The following METAP1 variants were observed in gnomAD, a reference collection of about 807,000 sequenced individuals.
METAP1 encodes the protein methionyl aminopeptidase 1.
A neutral mutation model predicts 53.8 loss-of-function variants in METAP1; 28 were observed. The observed-to-expected ratio is 0.52, with a 90% CI of 0.39 to 0.71. The LOEUF is 0.71. METAP1 is among the 30% of genes least tolerant of loss of function. The probability of loss-of-function intolerance (pLI) is 0.00; values close to 1 mark genes in which losing one functional copy is unlikely to be tolerated. For missense variants in METAP1, 389 were observed against 479.8 expected, an observed-to-expected ratio of 0.81 and a Z score of 1.77; for synonymous variants, 181 against 165.7, an observed-to-expected ratio of 1.09 and a Z score of -0.71.
intron 1 of METAP1, among the ~76,000 whole-genome samples, chr4:99,003,352 T>C (rs887994522): frequency 6.6e-6 from 1 of 152,242 alleles, no homozygotes; most frequent in Non-Finnish European, 1.5e-5. Context: ...AGGTTAACCC[T>C]GTCTTATCCA....
At chr4:98,999,185 G>A (rs1177918431) in intron 1 of METAP1, among the ~76,000 whole-genome samples, 1 of 152,096 alleles carries the variant, frequency 6.6e-6, no homozygotes, top group Non-Finnish European at 1.5e-5. Context: ...TCATTTCCCA[G>A]TATGATGCTC....
At chr4:99,003,426 T>C (rs1394854508) in intron 1 of METAP1, among the ~76,000 whole-genome samples, 1 of 152,214 alleles carries the variant, frequency 6.6e-6, no homozygotes, top group Admixed American at 6.5e-5. Context: ...GTTTTAAAAA[T>C]GTCATAACTT....
chr4:99,036,329 A>C (rs1453784816), intron 4 of METAP1, among the ~76,000 whole-genome samples: 1 of 152,112 alleles, frequency 6.6e-6, no homozygotes, highest in African/African-American at 2.4e-5. Context: ...AATTTAAGGG[A>C]AAGATAGTCT....
At chr4:99,027,975 T>C (rs1349591773) in intron 1 of METAP1, among the ~76,000 whole-genome samples, 1 of 151,152 alleles carries the variant, frequency 6.6e-6, no homozygotes, top group Non-Finnish European at 1.5e-5. Context: ...TTTCCCGTGC[T>C]TTTTTTTTCC....
Position 99,061,200 on chromosome 4 carries a change from A to G in METAP1, c.1044A>G (p.Thr348=), listed in dbSNP as rs917004561. Residue 348 remains threonine, a synonymous_variant, in exon 11 of 11, where the codon ACA becomes ACG. Transcript: ENST00000296411. ...ETWPDGWTAV[T]RDGKRSAQFE... is the part of the protein sequence containing the mutation. ...GGCCAGATGGTTGGACTGCGGTGAC[A>G]AGAGACGGAAAGCGGTCTGCTCAGT... 1.1e-5 allele frequency: 17 copies of G among 1,613,808 alleles called. No homozygotes were observed. The highest frequency in any genetic ancestry group is 1.4e-5 in the Non-Finnish European group (16 of 1,179,850).
At chr4:99,031,101 GTTTTTTTTT>G (rs56082818) in intron 2 of METAP1, among the ~76,000 whole-genome samples, 8 of 109,920 alleles carry the variant, frequency 7.3e-5, no homozygotes, top group Admixed American at 9.7e-5. Flanking sequence ...CTCAAAGGTA[GTTTTTTTTT>G]TTTTTTTTTT....
intron 5 of METAP1, among the ~76,000 whole-genome samples, chr4:99,039,876 G>C (rs1444505765): frequency 6.6e-6 from 1 of 151,958 alleles, no homozygotes; most frequent in Non-Finnish European, 1.5e-5. Context: ...ACAGGCGTGA[G>C]CCACCACACC....
At chr4:99,022,783 TA>T in intron 1 of METAP1, 1 of 1,601,212 alleles carries the variant, frequency 6.2e-7, no homozygotes. Context: ...CACTCTTGGC[TA>T]TGCGCTTGTC....
rs1726151485 is a variant in METAP1, at chr4:99,045,420, C to T, written c.787+110C>T. Reference sequence around the variant, plus strand: ...TTGTACCTTCCAGGTTGCCCCTGTTCTACCTGAGTTAGCTTTGGTTGTTAG... The same window carrying T: ...TTGTACCTTCCAGGTTGCCCCTGTTTTACCTGAGTTAGCTTTGGTTGTTAG... On this transcript the variant is annotated intron_variant, in intron 8 of 10. Coordinates refer to ENST00000296411, the MANE Select transcript of METAP1 (RefSeq NM_015143.3). 3 of 1,199,290 alleles carry T rather than the reference C, an allele frequency of 2.5e-6. No homozygotes were observed. In the South Asian group the frequency reaches 5.8e-5, roughly 23 times the overall value. The allele number at this position is 1,199,290 out of a possible 1,614,324, so 74.3% of individuals were successfully genotyped here. A position where few individuals can be genotyped will look rare whatever the true frequency, so the allele number is the denominator to read the frequency against.
At chr4:99,035,332 G>C in intron 3 of METAP1, 68 bp from the exon 4 acceptor site, 1 of 1,120,128 alleles carries the variant, frequency 8.9e-7, no homozygotes, top group Non-Finnish European at 1.3e-6. Flanking sequence ...CTTTTGAATG[G>C]ACTTCTTTCT....
chr4:99,024,442 T>TG (rs1244675927), intron 1 of METAP1, among the ~76,000 whole-genome samples: 1 of 151,976 alleles, frequency 6.6e-6, no homozygotes, highest in Non-Finnish European at 1.5e-5. Context: ...ATAATTTGGT[T>TG]GGGGGGTGGG....
intron 5 of METAP1, among the ~76,000 whole-genome samples, chr4:99,040,380 C>T (rs985566128): frequency 4.0e-5 from 6 of 151,898 alleles, no homozygotes; most frequent in African/African-American, 1.2e-4. Context: ...CTATTCAGTG[C>T]TTTAAAAGTG....
chr4:99,011,512 A>C (rs897078780), intron 1 of METAP1, among the ~76,000 whole-genome samples: 2 of 152,158 alleles, frequency 1.3e-5, no homozygotes, highest in African/African-American at 4.8e-5. Flanking sequence ...CCACTTGGTC[A>C]TGGTGTATAG....
intron 8 of METAP1, among the ~76,000 whole-genome samples, 164 bp downstream of exon 8, chr4:99,045,474 A>C (rs1400944442): frequency 6.6e-6 from 1 of 151,044 alleles, no homozygotes; most frequent in Non-Finnish European, 1.5e-5. Context: ...TGATCTGGGA[A>C]TCTCTTGGTG....
At chr4:99,008,278 T>C (rs1238191220) in intron 1 of METAP1, among the ~76,000 whole-genome samples, 1 of 152,156 alleles carries the variant, frequency 6.6e-6, no homozygotes, top group Non-Finnish European at 1.5e-5. Flanking sequence ...ATGTAGGTAA[T>C]AGCAAGTAGA....
chr4:99,028,782 A>G lies in METAP1; in HGVS notation c.115-85A>G, dbSNP rs890223429. Reference sequence around the variant, plus strand: ...TCTTGGTTTTTGCAAATAGTTTACAATAACTCTTGCTTATATACAATATTC... The same window carrying G: ...TCTTGGTTTTTGCAAATAGTTTACAGTAACTCTTGCTTATATACAATATTC... On this transcript the variant is annotated intron_variant, in intron 1 of 10. Transcript: ENST00000296411. 53 of 993,858 alleles carry G rather than the reference A, an allele frequency of 5.3e-5. No homozygotes were observed. The East Asian group carries it at 1.4e-3, about 25-fold the overall frequency. The allele number at this position is 993,858 out of a possible 1,614,324, so 61.6% of individuals were successfully genotyped here. A position where few individuals can be genotyped will look rare whatever the true frequency, so the allele number is the denominator to read the frequency against.
intron 5 of METAP1, 25 bp from the exon 6 acceptor site, chr4:99,041,018 T>A (rs1290501109): frequency 6.5e-7 from 1 of 1,550,138 alleles, no homozygotes; most frequent in East Asian, 2.3e-5. Flanking sequence ...TCTTTTTTAA[T>A]GTATTGAGTG....
At chr4:99,057,122 G>C (rs1245999043) in intron 9 of METAP1, among the ~76,000 whole-genome samples, 1 of 152,214 alleles carries the variant, frequency 6.6e-6, no homozygotes, top group Non-Finnish European at 1.5e-5. Context: ...ACCTGCCTCG[G>C]CTTCCCAAAG....
intron 2 of METAP1, among the ~76,000 whole-genome samples, chr4:99,030,880 G>T (rs1724963073): frequency 6.6e-6 from 1 of 151,252 alleles, no homozygotes; most frequent in African/African-American, 2.4e-5. Flanking sequence ...ACTGGTTTTG[G>T]TATTGGAGCA....
Sources: allele counts gnomAD v4.1 joint callset (sites outside exome capture counted in the v4.1 genomes callset), GRCh38; gene constraint gnomAD v4.1.1; transcripts MANE v1.5; gene names NCBI Gene and HGNC (gene_info 2026-07-23, HGNC 2026-07-21).